The following TRAIP variants were observed in gnomAD, a reference collection of about 807,000 sequenced individuals.
TRAIP encodes the protein E3 ubiquitin-protein ligase TRAIP.
Under a neutral mutation model 65.0 loss-of-function variants are expected in TRAIP, and 37 were observed. The observed-to-expected ratio is 0.57, with a 90% CI of 0.44 to 0.75. The LOEUF (loss-of-function observed/expected upper bound fraction) is 0.75. Among genes scored for constraint, TRAIP ranks in the 30% least tolerant of loss-of-function variants. The pLI is 0.00. For synonymous variants in TRAIP, 187 were observed against 219.1 expected, an observed-to-expected ratio of 0.85 and a Z score of 1.29; for missense variants, 481 against 579.4, an observed-to-expected ratio of 0.83 and a Z score of 1.74.
chr3:49,844,052 A>G (rs2108317314), intron 4 of TRAIP, 124 bp from the exon 5 acceptor site: 1 of 1,358,882 alleles, frequency 7.4e-7, no homozygotes, highest in Non-Finnish European at 1.0e-6. Context: ...CAGGCCTGAA[A>G]GCTGGGTGGC....
chr3:49,847,201 AAAT>A (rs1454727651), intron 3 of TRAIP, among the ~76,000 whole-genome samples: 1 of 149,542 alleles, frequency 6.7e-6, no homozygotes, highest in Non-Finnish European at 1.5e-5. Context: ...ATAAATAAAT[AAAT>A]AAATAAATAA....
intron 7 of TRAIP, among the ~76,000 whole-genome samples, chr3:49,841,387 G>A (rs181633428): frequency 2.6e-5 from 4 of 152,326 alleles, no homozygotes; most frequent in Admixed American, 2.0e-4. Context: ...ATGCCTCTCA[G>A]CTAAGTGGCC....
Sources: gnomAD v4.1 joint callset for allele counts (sites outside exome capture counted in the v4.1 genomes callset) on GRCh38, gnomAD v4.1.1 for gene constraint, MANE v1.5 for transcripts, NCBI Gene and HGNC (gene_info 2026-07-23, HGNC 2026-07-21) for gene names.